The following ERI3 variants were observed in gnomAD, a reference collection of about 807,000 sequenced individuals.
ERI3 encodes the protein ERI1 exoribonuclease 3.
Under a neutral mutation model 44.4 loss-of-function variants are expected in ERI3, and 18 were observed. The ratio of observed to expected loss-of-function variants is 0.41; its 90% CI spans 0.28 to 0.60. The LOEUF (loss-of-function observed/expected upper bound fraction) is 0.60, where lower values mean the gene tolerates loss of function less well. Among genes scored for constraint, ERI3 ranks in the 20% least tolerant of loss-of-function variants. The probability of loss-of-function intolerance (pLI) is 0.36; values close to 1 mark genes in which losing one functional copy is unlikely to be tolerated. For missense variants in ERI3, 294 were observed against 435.5 expected (o/e 0.68, Z 2.89); for synonymous variants, 183 against 164.8 (o/e 1.11, Z -0.84).
At chr1:44,270,708 C>A (rs1174685443) in intron 7 of ERI3, among the ~76,000 whole-genome samples, 2 of 152,200 alleles carry the variant, frequency 1.3e-5, no homozygotes, top group Admixed American at 1.3e-4. Context: ...TAGGGTGGGC[C>A]TGCCACGGAG....
intron 7 of ERI3, among the ~76,000 whole-genome samples, chr1:44,280,891 G>A (rs1353269867): frequency 1.3e-5 from 2 of 152,086 alleles, no homozygotes; most frequent in Non-Finnish European, 2.9e-5. Flanking sequence ...CTACATTTTA[G>A]GCATTCATTC....
chr1:44,283,710 T>C (rs1359319089), intron 7 of ERI3, among the ~76,000 whole-genome samples: 3 of 152,162 alleles, frequency 2.0e-5, no homozygotes, highest in Non-Finnish European at 2.9e-5. Context: ...ACTTCACAAA[T>C]GATGCCACAA....
intron 6 of ERI3, among the ~76,000 whole-genome samples, chr1:44,298,407 T>C (rs984031758): frequency 2.6e-5 from 4 of 152,148 alleles, no homozygotes; most frequent in African/African-American, 4.8e-5. Context: ...CTGATGGGCA[T>C]AGGGAGATTC....
chr1:44,233,772 T>C (rs1203495454), intron 8 of ERI3, among the ~76,000 whole-genome samples: 1 of 152,148 alleles, frequency 6.6e-6, no homozygotes, highest in Non-Finnish European at 1.5e-5. Context: ...TAAACAAGTC[T>C]CCCTTTAACT....
chr1:44,345,789 C>A (rs1445156665), intron 2 of ERI3, among the ~76,000 whole-genome samples: 2 of 152,266 alleles, frequency 1.3e-5, no homozygotes, highest in East Asian at 3.9e-4. Context: ...GAAAGAAAAC[C>A]TAAGAGGCAA....
At chr1:44,230,122 T>C (rs1644143838) in intron 8 of ERI3, among the ~76,000 whole-genome samples, 1 of 152,210 alleles carries the variant, frequency 6.6e-6, no homozygotes. Context: ...CTGGAGATGA[T>C]GAAGACTCAA....
At chr1:44,223,177 GAC>G (rs1441547227) in intron 8 of ERI3, among the ~76,000 whole-genome samples, 3 of 152,218 alleles carry the variant, frequency 2.0e-5, no homozygotes, top group African/African-American at 7.2e-5. Context: ...ACAGTGGAAA[GAC>G]AGATGGGTGG....
Position 44,262,759 on chromosome 1 carries a change from G to T in ERI3, c.832-14721C>A, listed in dbSNP as rs112645898. ...GAAAGACCTAAGCGGACCTTCAGCAGAAAGCTGGTGGCCTGGTGGTCTATT... is the reference window on the plus strand; with the variant it reads ...GAAAGACCTAAGCGGACCTTCAGCATAAAGCTGGTGGCCTGGTGGTCTATT... On this transcript the variant is annotated intron_variant, in intron 7 of 8. Transcript: ENST00000372257. Among the ~76,000 whole-genome samples the T allele has an allele frequency of 5.5e-3, 834 of 152,330 alleles. 7 individuals are homozygous for T. The highest frequency in any genetic ancestry group is 0.019 in the African/African-American group (788 of 41,582).
At chr1:44,239,034 C>T (rs1318616218) in intron 8 of ERI3, among the ~76,000 whole-genome samples, 4 of 151,802 alleles carry the variant, frequency 2.6e-5, no homozygotes, top group Admixed American at 2.0e-4. Flanking sequence ...TGCCCCCTCC[C>T]CCCCCCAATC....
chr1:44,314,083 T>A (rs891657290), intron 4 of ERI3, among the ~76,000 whole-genome samples: 2 of 151,974 alleles, frequency 1.3e-5, no homozygotes, highest in Non-Finnish European at 2.9e-5. Context: ...ACCCCCAGCA[T>A]GTCCCTGGCT....
At chr1:44,307,620 C>T (rs932196048) in intron 6 of ERI3, among the ~76,000 whole-genome samples, 2 of 152,160 alleles carry the variant, frequency 1.3e-5, no homozygotes, top group South Asian at 2.1e-4. Context: ...AGCAAAGGAA[C>T]CGGTTCTGTC....
At chr1:44,291,063 A>G in intron 6 of ERI3, among the ~76,000 whole-genome samples, 1 of 152,188 alleles carries the variant, frequency 6.6e-6, no homozygotes, top group Non-Finnish European at 1.5e-5. Flanking sequence ...ATACAAACAG[A>G]GGCAGACACA....
intron 2 of ERI3, among the ~76,000 whole-genome samples, chr1:44,346,402 T>A (rs1464696484): frequency 6.6e-6 from 1 of 152,258 alleles, no homozygotes; most frequent in African/African-American, 2.4e-5. Context: ...GTGATTTGCC[T>A]GCTGTTTGCT....
intron 3 of ERI3, among the ~76,000 whole-genome samples, chr1:44,326,156 A>T (rs1646307950): frequency 6.6e-6 from 1 of 152,244 alleles, no homozygotes; most frequent in African/African-American, 2.4e-5. Context: ...AAATTCCAAA[A>T]AGTGTGTGTC....
At chr1:44,316,273 G>C (rs1351512223) in intron 4 of ERI3, among the ~76,000 whole-genome samples, 1 of 152,188 alleles carries the variant, frequency 6.6e-6, no homozygotes, top group South Asian at 2.1e-4. Context: ...GCTAAACAGA[G>C]CTCAGAGACC....
At position 44,228,094 on chromosome 1, in the gene ERI3, G is replaced by A. The variant is rs2154315502; in HGVS notation, c.932-6454C>T. Reference sequence around the variant, plus strand: ...ACAGTCCCCTGCGCCCCCATTCACGGCCACCTTGGCCCACCCGACCCACTT... The same window carrying A: ...ACAGTCCCCTGCGCCCCCATTCACGACCACCTTGGCCCACCCGACCCACTT... On this transcript the variant is annotated intron_variant, in intron 8 of 8. Coordinates refer to ENST00000372257, the MANE Select transcript of ERI3 (RefSeq NM_024066.3). This position sits in a 1 kb window ranked among gnomAD's most constrained non-coding sequence, Gnocchi z 4.3. Among the ~76,000 whole-genome samples the A allele has an allele frequency of 6.6e-6, 1 of 151,502 alleles. No individual in the cohort carries two copies. The highest frequency in any genetic ancestry group is 3.4e-3 in the Middle Eastern group (1 of 294).
chr1:44,319,776 T>C (rs1166736021), intron 3 of ERI3, 32 bp from the exon 4 acceptor site: 3 of 1,454,336 alleles, frequency 2.1e-6, no homozygotes, highest in African/African-American at 1.4e-5. Context: ...AAAGGAAAAA[T>C]AAGTTATTGT....
At chr1:44,312,472 G>A (rs1645993431) in intron 5 of ERI3, among the ~76,000 whole-genome samples, 2 of 152,116 alleles carry the variant, frequency 1.3e-5, no homozygotes, top group South Asian at 4.1e-4. Flanking sequence ...TATTCCCTCG[G>A]GCTACAGCGC....
chr1:44,244,901 G>A (rs1644521568), intron 8 of ERI3, among the ~76,000 whole-genome samples: 2 of 152,140 alleles, frequency 1.3e-5, no homozygotes. Context: ...GGAGGACTGA[G>A]CAGACCCTGG....
Sources: gnomAD v4.1 joint callset for allele counts (sites outside exome capture counted in the v4.1 genomes callset) on GRCh38, gnomAD v4.1.1 for gene constraint, Gnocchi (gnomAD v3.1) non-coding constraint, MANE v1.5 for transcripts, NCBI Gene and HGNC (gene_info 2026-07-23, HGNC 2026-07-21) for gene names.